Variants in RHBDD1 observed in about 807,000 individuals in gnomAD.
RHBDD1 encodes the protein rhomboid domain containing 1.
Under a neutral mutation model 36.3 loss-of-function variants are expected in RHBDD1, and 38 were observed. The observed-to-expected ratio is 1.05, with a 90% CI of 0.81 to 1.37. RHBDD1 has a LOEUF of 1.37. RHBDD1 is among the 40% of genes most tolerant of loss of function. The probability of loss-of-function intolerance (pLI) is 0.00; values close to 1 mark genes in which losing one functional copy is unlikely to be tolerated. For synonymous variants in RHBDD1, 151 were observed against 136.5 expected, an observed-to-expected ratio of 1.11 and a Z score of -0.74; for missense variants, 393 against 377.6, an observed-to-expected ratio of 1.04 and a Z score of -0.34.
chr2:226,935,100 C>T (rs1020067118), intron 8 of RHBDD1: 3 of 152,056 alleles, frequency 2.0e-5, no homozygotes, highest in African/African-American at 4.8e-5. Flanking sequence ...CCCAGCTCTG[C>T]ACTACACAGT....
At chr2:226,895,175 A>G (rs986022368) in intron 5 of RHBDD1, among the ~76,000 whole-genome samples, 1 of 152,190 alleles carries the variant, frequency 6.6e-6, no homozygotes, top group African/African-American at 2.4e-5. Flanking sequence ...TTAGACAGAC[A>G]CGCTTGTCAC....
chr2:226,907,183 A>G (rs1948125828), intron 6 of RHBDD1, among the ~76,000 whole-genome samples: 2 of 152,234 alleles, frequency 1.3e-5, no homozygotes, highest in African/African-American at 2.4e-5. Context: ...AATGCAGAGA[A>G]CTAAAGTGCC....
chr2:226,864,310 T>C (rs577924626), intron 3 of RHBDD1, among the ~76,000 whole-genome samples: 19 of 152,314 alleles, frequency 1.2e-4, no homozygotes, highest in African/African-American at 4.3e-4. Context: ...TTCATGAGGT[T>C]ACATGTTTGT....
chr2:226,864,283 A>C (rs975467743), intron 3 of RHBDD1, among the ~76,000 whole-genome samples: 2 of 152,012 alleles, frequency 1.3e-5, no homozygotes, highest in African/African-American at 4.8e-5. Context: ...ATACTTGCAC[A>C]CTATCTTTGT....
chr2:226,995,415 G>A lies in RHBDD1; in HGVS notation c.857-16G>A, dbSNP rs368215059. 5 of 1,542,380 alleles carry A rather than the reference G, an allele frequency of 3.2e-6. No homozygotes were observed. The highest frequency in any genetic ancestry group is 2.7e-6 in the Non-Finnish European group (3 of 1,116,768). On this transcript the variant is annotated splice_polypyrimidine_tract_variant and intron_variant, in intron 8 of 8. Coordinates refer to ENST00000392062, the MANE Select transcript of RHBDD1 (RefSeq NM_001167608.3). Reference sequence around the variant, plus strand: ...CGTCAGAATGATTGATTTTTCCTTTGGCTTTCTCACTACAGGAAATACCAG... The same window carrying A: ...CGTCAGAATGATTGATTTTTCCTTTAGCTTTCTCACTACAGGAAATACCAG...
chr2:226,921,970 G>A (rs548888737), intron 8 of RHBDD1, among the ~76,000 whole-genome samples: 19 of 152,070 alleles, frequency 1.2e-4, no homozygotes, highest in Admixed American at 6.6e-4. Context: ...GGGATCGATC[G>A]ATCTCTTAAG....
At chr2:226,861,484 T>G (rs944001763) in intron 3 of RHBDD1, among the ~76,000 whole-genome samples, 4 of 152,230 alleles carry the variant, frequency 2.6e-5, no homozygotes, top group Non-Finnish European at 2.9e-5. Flanking sequence ...TTTATCTATA[T>G]TCTTCATTAC....
chr2:226,817,437 A>C, the RHBDD1 span, among the ~76,000 whole-genome samples: 75 of 152,190 alleles, frequency 4.9e-4, no homozygotes, highest in Non-Finnish European at 8.7e-4. Context: ...GGTACATTAC[A>C]CTGATACTCA....
At chr2:226,976,263 C>A (rs1182929360) in intron 8 of RHBDD1, among the ~76,000 whole-genome samples, 2 of 145,678 alleles carry the variant, frequency 1.4e-5, no homozygotes, top group African/African-American at 5.1e-5. Flanking sequence ...TCTGTGTCCT[C>A]TGGTCATACT....
At chr2:226,988,504 T>C (rs1957495629) in intron 8 of RHBDD1, 1 of 1,526,834 alleles carries the variant, frequency 6.5e-7, no homozygotes, top group Non-Finnish European at 8.8e-7. Flanking sequence ...ACTCAGGCCT[T>C]GCGAGGTGGA....
intron 1 of RHBDD1, chr2:226,837,405 T>G (rs1941095397): frequency 6.6e-6 from 1 of 152,192 alleles, no homozygotes. Context: ...TTCTGTGTAG[T>G]CAAGGTTGTT....
At chr2:226,899,805 A>G (rs1947438988) in intron 5 of RHBDD1, among the ~76,000 whole-genome samples, 1 of 152,230 alleles carries the variant, frequency 6.6e-6, no homozygotes, top group African/African-American at 2.4e-5. Flanking sequence ...TAACTGAAAG[A>G]ACTATGAAAC....
At chr2:226,800,962 G>C in the RHBDD1 span, among the ~76,000 whole-genome samples, 2 of 152,130 alleles carry the variant, frequency 1.3e-5, no homozygotes, top group Non-Finnish European at 2.9e-5. Context: ...ACGCTCCCCA[G>C]AGTTTTTTTA....
At chr2:226,936,314 C>G (rs1164811287) in intron 8 of RHBDD1, among the ~76,000 whole-genome samples, 3 of 151,984 alleles carry the variant, frequency 2.0e-5, no homozygotes, top group Non-Finnish European at 4.4e-5. Context: ...TAAAATTGTA[C>G]TTATATCTTA....
chr2:226,864,762 G>A lies in RHBDD1; in HGVS notation c.69G>A (p.Gly23=). 1 of 1,614,090 alleles carries A rather than the reference G, an allele frequency of 6.2e-7. No individual in the cohort carries two copies. Among genetic ancestry groups the A allele is most frequent in the Non-Finnish European group, 8.5e-7 (1 of 1,179,998 alleles). The change falls in exon 4 of 9, where the codon GGG becomes GGA. Residue 23 remains glycine, a synonymous_variant. Coordinates refer to ENST00000392062, the MANE Select transcript of RHBDD1 (RefSeq NM_001167608.3). ...ILLLSQIFHV[G]INNIPPVTLA... ...TCCTTTCTCAAATCTTCCATGTTGG[G>A]ATCAACAATATTCCACCTGTCACCC...
intron 5 of RHBDD1, among the ~76,000 whole-genome samples, chr2:226,901,378 A>C (rs540905034): frequency 6.6e-6 from 1 of 152,214 alleles, no homozygotes; most frequent in African/African-American, 2.4e-5. Flanking sequence ...TACTAATTTC[A>C]GTTCCTTTGG....
At chr2:226,859,612 C>T (rs1943656966) in intron 3 of RHBDD1, among the ~76,000 whole-genome samples, 1 of 152,108 alleles carries the variant, frequency 6.6e-6, no homozygotes, top group African/African-American at 2.4e-5. Flanking sequence ...TGTTGGTGAT[C>T]AAAACGGAGA....
At chr2:226,937,851 A>G (rs746436200) in intron 8 of RHBDD1, among the ~76,000 whole-genome samples, 7 of 152,202 alleles carry the variant, frequency 4.6e-5, no homozygotes, top group Non-Finnish European at 8.8e-5. Context: ...ATTGATGGGC[A>G]TTTGGGTTGA....
chr2:226,938,428 A>G (rs570620269), intron 8 of RHBDD1, among the ~76,000 whole-genome samples: 2 of 152,162 alleles, frequency 1.3e-5, no homozygotes, highest in Admixed American at 6.6e-5. Flanking sequence ...AGAATCAGAA[A>G]TGATAAGGGG....
Sources: gnomAD v4.1 joint callset for allele counts (sites outside exome capture counted in the v4.1 genomes callset) on GRCh38, gnomAD v4.1.1 for gene constraint, MANE v1.5 for transcripts, NCBI Gene and HGNC (gene_info 2026-07-23, HGNC 2026-07-21) for gene names.